The following TSPAN9 variants were observed in gnomAD, a reference collection of about 807,000 sequenced individuals.
TSPAN9 encodes the protein tetraspanin 9, also known as tetraspanin-9.
TSPAN9 carries 16 observed loss-of-function variants against 31.0 expected under a neutral mutation model. That is an observed-to-expected ratio of 0.52 (90% CI 0.35 to 0.78). TSPAN9 has a LOEUF of 0.78. Ranked by LOEUF, TSPAN9 falls within the 30% of genes least tolerant of loss-of-function variation. TSPAN9 has a pLI of 0.01. For synonymous variants in TSPAN9, 145 were observed against 121.6 expected, an observed-to-expected ratio of 1.19 and a Z score of -1.27; for missense variants, 272 against 312.5, an observed-to-expected ratio of 0.87 and a Z score of 0.98.
At chr12:3,201,327 TCTCC>T (rs2098371648) in intron 3 of TSPAN9, 71 bp downstream of exon 3, 3 of 1,425,890 alleles carry the variant, frequency 2.1e-6, no homozygotes, top group South Asian at 2.3e-5. Flanking sequence ...GTGAATACCC[TCTCC>T]CTCTTCTGTG....
chr12:3,281,222 T>C lies in TSPAN9; in HGVS notation c.457T>C (p.Tyr153His). The C allele has an allele frequency of 6.4e-7, 1 of 1,551,306 alleles. No homozygotes were observed. Among genetic ancestry groups the C allele is most frequent in the Non-Finnish European group, 8.7e-7 (1 of 1,146,996 alleles). Residue 153 changes from tyrosine to histidine, a missense_variant, in exon 7 of 9, where the codon TAC becomes CAC. Tyr to His is a moderately conservative substitution (Grantham distance 83, BLOSUM62 2). Coordinates refer to ENST00000011898, the MANE Select transcript of TSPAN9 (RefSeq NM_006675.5). Reference protein sequence around the residue: ...AEMRCCGVTDYTDWYPVLGEN... With the variant: ...AEMRCCGVTDHTDWYPVLGEN... ...GATGCGATGCTGTGGTGTCACTGACTACACAGACTGGTACCCAGTGCTGGG... is the reference window on the plus strand; with the variant it reads ...GATGCGATGCTGTGGTGTCACTGACCACACAGACTGGTACCCAGTGCTGGG...
intron 2 of TSPAN9, among the ~76,000 whole-genome samples, chr12:3,171,470 G>T (rs1435704475): frequency 6.6e-6 from 1 of 152,124 alleles, no homozygotes; most frequent in East Asian, 1.9e-4. Context: ...TGTCCTGATA[G>T]CCCCTGCTGT....
At chr12:3,099,114 G>T (rs758905166) in intron 2 of TSPAN9, among the ~76,000 whole-genome samples, 3 of 152,100 alleles carry the variant, frequency 2.0e-5, no homozygotes, top group Non-Finnish European at 4.4e-5. Context: ...TGTTGTTTAA[G>T]TATTTTTCCA....
intron 3 of TSPAN9, among the ~76,000 whole-genome samples, chr12:3,251,616 G>T (rs1322950407): frequency 6.6e-6 from 1 of 152,202 alleles, no homozygotes; most frequent in Non-Finnish European, 1.5e-5. Flanking sequence ...AATTTCTAGG[G>T]CTGTATGTGT....
intron 3 of TSPAN9, among the ~76,000 whole-genome samples, chr12:3,223,760 G>T (rs1405703868): frequency 2.6e-5 from 4 of 152,188 alleles, no homozygotes; most frequent in African/African-American, 9.7e-5. Context: ...CTAACACAGG[G>T]GCATGAATTC....
At chr12:3,156,620 G>A (rs1240870572) in intron 2 of TSPAN9, among the ~76,000 whole-genome samples, 2 of 151,950 alleles carry the variant, frequency 1.3e-5, no homozygotes, top group Non-Finnish European at 2.9e-5. Flanking sequence ...AGATCCTCCT[G>A]CCTCAGCCTC....
intron 3 of TSPAN9, among the ~76,000 whole-genome samples, chr12:3,267,031 C>A (rs1460174347): frequency 1.3e-5 from 2 of 152,198 alleles, no homozygotes; most frequent in Non-Finnish European, 2.9e-5. Context: ...GGCCTCCGAC[C>A]TGCCATGGGT....
At chr12:3,262,162 C>T (rs1416058125) in intron 3 of TSPAN9, among the ~76,000 whole-genome samples, 1 of 152,240 alleles carries the variant, frequency 6.6e-6, no homozygotes, top group Non-Finnish European at 1.5e-5. Flanking sequence ...ATGGCAGTGG[C>T]ACTGCTCCCT....
chr12:3,204,998 A>G (rs997021730), intron 3 of TSPAN9, among the ~76,000 whole-genome samples: 1 of 151,668 alleles, frequency 6.6e-6, no homozygotes, highest in Non-Finnish European at 1.5e-5. Context: ...AAGAGCGTAT[A>G]GGGGTGGGCT....
At chr12:3,134,211 C>G (rs1316133822) in intron 2 of TSPAN9, among the ~76,000 whole-genome samples, 3 of 152,122 alleles carry the variant, frequency 2.0e-5, no homozygotes, top group Non-Finnish European at 4.4e-5. Context: ...GCACCCCACT[C>G]CCAGGATTTG....
At chr12:3,207,634 TC>T (rs1253777344) in intron 3 of TSPAN9, among the ~76,000 whole-genome samples, 4 of 152,204 alleles carry the variant, frequency 2.6e-5, no homozygotes, top group African/African-American at 7.2e-5. Flanking sequence ...CTACCTCCTC[TC>T]CTGTGCGCCC....
At chr12:3,223,572 G>C (rs768245483) in intron 3 of TSPAN9, among the ~76,000 whole-genome samples, 2 of 152,168 alleles carry the variant, frequency 1.3e-5, no homozygotes, top group Non-Finnish European at 2.9e-5. Flanking sequence ...TCTGTGCTTT[G>C]GTTTGTCTGT....
At chr12:3,114,272 A>G (rs759734190) in intron 2 of TSPAN9, among the ~76,000 whole-genome samples, 1 of 152,194 alleles carries the variant, frequency 6.6e-6, no homozygotes, top group Admixed American at 6.5e-5. Context: ...TTTAAATTTC[A>G]TGTCATTTCC....
rs377163510 is a variant in TSPAN9 at position 3,201,172 on chromosome 12, C to T, written c.-17-5C>T. On this transcript the variant is annotated splice_polypyrimidine_tract_variant and splice_region_variant and intron_variant, in intron 2 of 8. Transcript: ENST00000011898. ...ACCTGGACCTGTCCTTTGTGTTCCTCCTAGAATTTAAGAAGTGCAACATGG... is the reference window on the plus strand; with the variant it reads ...ACCTGGACCTGTCCTTTGTGTTCCTTCTAGAATTTAAGAAGTGCAACATGG... The T allele has an allele frequency of 3.1e-6, 5 of 1,613,414 alleles. No individual in the cohort carries two copies. Among genetic ancestry groups the T allele is most frequent in the Non-Finnish European group, 4.2e-6 (5 of 1,179,298 alleles).
chr12:3,202,600 G>A (rs975722140), intron 3 of TSPAN9, among the ~76,000 whole-genome samples: 3 of 152,122 alleles, frequency 2.0e-5, no homozygotes, highest in African/African-American at 7.2e-5. Flanking sequence ...TGTCGTGATG[G>A]TCTCCCTGCT....
intron 3 of TSPAN9, among the ~76,000 whole-genome samples, chr12:3,254,548 T>C (rs558835612): frequency 6.6e-6 from 1 of 152,366 alleles, no homozygotes; most frequent in Non-Finnish European, 1.5e-5. Context: ...GGATGACTCC[T>C]GGGTTCTGTC....
At chr12:3,177,407 G>A (rs1336428055) in intron 2 of TSPAN9, among the ~76,000 whole-genome samples, 1 of 149,846 alleles carries the variant, frequency 6.7e-6, no homozygotes, top group Non-Finnish European at 1.5e-5. Flanking sequence ...CAAGTGCTGG[G>A]ATTACAGGCG....
intron 2 of TSPAN9, among the ~76,000 whole-genome samples, chr12:3,115,980 T>C (rs1341661803): frequency 6.6e-6 from 1 of 152,262 alleles, no homozygotes; most frequent in African/African-American, 2.4e-5. Flanking sequence ...CAACCCTTTT[T>C]ACTGTCTGTC....
intron 2 of TSPAN9, among the ~76,000 whole-genome samples, chr12:3,085,035 G>A (rs115882752): frequency 3.2e-3 from 482 of 152,302 alleles, no homozygotes; most frequent in African/African-American, 0.011. Context: ...ACTGGATGGT[G>A]CAGTGCCGCT....
Sources: gnomAD v4.1 joint callset for allele counts (sites outside exome capture counted in the v4.1 genomes callset) on GRCh38, gnomAD v4.1.1 for gene constraint, MANE v1.5 for transcripts, NCBI Gene and HGNC (gene_info 2026-07-23, HGNC 2026-07-21) for gene names.